The following IQGAP2 variants were observed in gnomAD, a reference collection of about 807,000 sequenced individuals.
IQGAP2 encodes IQ motif containing GTPase activating protein 2.
IQGAP2 carries 173 observed loss-of-function variants against 201.3 expected under a neutral mutation model. The observed-to-expected ratio is 0.86, with a 90% CI of 0.76 to 0.98. IQGAP2 has a LOEUF of 0.98. Ranked by LOEUF, IQGAP2 falls within the 50% of genes least tolerant of loss-of-function variation. IQGAP2 has a pLI of 0.00. For missense variants in IQGAP2, 1,687 were observed against 1,864.8 expected, an observed-to-expected ratio of 0.90 and a Z score of 1.76; for synonymous variants, 675 against 673.9, an observed-to-expected ratio of 1.00 and a Z score of -0.03.
chr5:76,487,075 T>C (rs1211477499), intron 2 of IQGAP2, among the ~76,000 whole-genome samples: 1 of 150,894 alleles, frequency 6.6e-6, no homozygotes, highest in Non-Finnish European at 1.5e-5. Context: ...GATTGCTGTG[T>C]AAATGTTTAT....
intron 13 of IQGAP2, among the ~76,000 whole-genome samples, chr5:76,627,061 A>C (rs1750310631): frequency 6.6e-6 from 1 of 152,040 alleles, no homozygotes; most frequent in African/African-American, 2.4e-5. Context: ...CTTTAAGTAG[A>C]GGAGTGGTGC....
At chr5:76,496,765 C>CTTTCTTTCTTTCT (rs1561416615) in intron 2 of IQGAP2, among the ~76,000 whole-genome samples, 6 of 72,032 alleles carry the variant, frequency 8.3e-5, no homozygotes, top group East Asian at 3.4e-4. Context: ...TTCTTTCTTT[C>CTTTCTTTCTTTCT]TTTCTTTCTT....
rs1757687820 is a variant in IQGAP2, at chr5:76,507,739, C to T, written c.146+46070C>T. On this transcript the variant is annotated intron_variant, in intron 2 of 35. Coordinates refer to ENST00000274364, the MANE Select transcript of IQGAP2 (RefSeq NM_006633.5). Reference sequence around the variant, plus strand: ...AAAAATTGGGCCAATGGGCCAGGCACGGTGGCTCACGCCTGTAATTCCAGC... The same window carrying T: ...AAAAATTGGGCCAATGGGCCAGGCATGGTGGCTCACGCCTGTAATTCCAGC... Among the ~76,000 whole-genome samples the T allele has an allele frequency of 2.0e-5, 3 of 152,186 alleles. No homozygotes were observed. In the South Asian group the frequency reaches 6.2e-4, roughly 31 times the overall value.
rs545058463 is a variant in IQGAP2, at chr5:76,544,408, G to A, written c.147-17988G>A. 4.6e-5 allele frequency among the ~76,000 whole-genome samples: 7 copies of A among 152,216 alleles called. No individual in the cohort carries two copies. In the South Asian group the frequency reaches 1.2e-3, roughly 27 times the overall value. On this transcript the variant is annotated intron_variant, in intron 2 of 35. Transcript: ENST00000274364. ...AGAGAGCAGTTCCCAGCCGACTTGG[G>A]GCCTAGGAGGATATTCTGGGTGGCA... is the stretch of plus-strand genomic sequence containing the variant.
chr5:76,466,262 G>A (rs1754771731), intron 2 of IQGAP2, among the ~76,000 whole-genome samples: 1 of 152,138 alleles, frequency 6.6e-6, no homozygotes, highest in Non-Finnish European at 1.5e-5. Context: ...GATCACTCAG[G>A]AGGCTGAGGA....
At chr5:76,509,043 GT>G (rs1757792084) in intron 2 of IQGAP2, among the ~76,000 whole-genome samples, 1 of 150,438 alleles carries the variant, frequency 6.6e-6, no homozygotes, top group Non-Finnish European at 1.5e-5. Context: ...GTGTGTGTGT[GT>G]GTGTGTGTGT....
intron 2 of IQGAP2, among the ~76,000 whole-genome samples, chr5:76,461,875 T>C (rs1167370763): frequency 6.6e-6 from 1 of 152,204 alleles, no homozygotes; most frequent in South Asian, 2.1e-4. Flanking sequence ...GCCAGTGGGC[T>C]AGGGGATGAC....
intron 12 of IQGAP2, among the ~76,000 whole-genome samples, chr5:76,610,350 C>A (rs545024734): frequency 2.0e-5 from 3 of 150,992 alleles, no homozygotes; most frequent in African/African-American, 7.3e-5. Context: ...AATCATTAGT[C>A]ACTAGAAAAA....
chr5:76,705,291 A>G (rs1747774630), intron 35 of IQGAP2, among the ~76,000 whole-genome samples: 1 of 152,220 alleles, frequency 6.6e-6, no homozygotes, highest in African/African-American at 2.4e-5. Context: ...ATATACCTTA[A>G]TCTCATATCT....
At chr5:76,428,602 G>C (rs989988222) in intron 1 of IQGAP2, among the ~76,000 whole-genome samples, 21 of 150,606 alleles carry the variant, frequency 1.4e-4, no homozygotes, top group African/African-American at 5.2e-4. Flanking sequence ...AGCTAATTTT[G>C]CATTTTTTTT....
At chr5:76,553,847 G>A (rs1165776908) in intron 2 of IQGAP2, among the ~76,000 whole-genome samples, 2 of 152,202 alleles carry the variant, frequency 1.3e-5, no homozygotes, top group Non-Finnish European at 2.9e-5. Flanking sequence ...TGGGGAAGAA[G>A]CAGTGAATGC....
At chr5:76,634,551 C>T (rs1750970973) in intron 15 of IQGAP2, among the ~76,000 whole-genome samples, 1 of 152,160 alleles carries the variant, frequency 6.6e-6, no homozygotes, top group Admixed American at 6.5e-5. Context: ...TGAGCCACTG[C>T]ACCCAGCCCC....
At chr5:76,686,552 C>T (rs1316344422) in intron 30 of IQGAP2, among the ~76,000 whole-genome samples, 1 of 152,126 alleles carries the variant, frequency 6.6e-6, no homozygotes, top group Non-Finnish European at 1.5e-5. Context: ...CTCTGTCGCC[C>T]AGGCTGGAGT....
intron 21 of IQGAP2, among the ~76,000 whole-genome samples, chr5:76,660,653 G>A (rs1743168432): frequency 6.6e-6 from 1 of 152,188 alleles, no homozygotes; most frequent in Non-Finnish European, 1.5e-5. Flanking sequence ...GTTTTTTAAA[G>A]CCACTTATCA....
chr5:76,435,650 A>G (rs955986385), intron 1 of IQGAP2, among the ~76,000 whole-genome samples: 2 of 151,964 alleles, frequency 1.3e-5, no homozygotes, highest in African/African-American at 4.8e-5. Context: ...TTTGCTTAGG[A>G]TTGCTTTGAC....
intron 17 of IQGAP2, among the ~76,000 whole-genome samples, chr5:76,648,322 C>A (rs968408793): frequency 6.6e-6 from 1 of 152,136 alleles, no homozygotes; most frequent in Admixed American, 6.6e-5. Context: ...GAGAACCTAG[C>A]CTTCTCCTCC....
rs1408361821 is a variant in IQGAP2, at chr5:76,471,499, G to A, written c.146+9830G>A. ...TCTGGGACAGTTATATATGTGCCCT[G>A]GAAAGAAAACAAAACACGGGTGTGA... On this transcript the variant is annotated intron_variant, in intron 2 of 35. Transcript: ENST00000274364. 2.0e-5 allele frequency among the ~76,000 whole-genome samples: 3 copies of A among 152,014 alleles called. No individual in the cohort carries two copies. In the Middle Eastern group the frequency reaches 9.5e-3, roughly 481 times the overall value.
chr5:76,423,600 G>T (rs553420889), intron 1 of IQGAP2, among the ~76,000 whole-genome samples: 1 of 152,178 alleles, frequency 6.6e-6, no homozygotes, highest in Non-Finnish European at 1.5e-5. Context: ...TAGCCTGGGC[G>T]ATAGAGCAAG....
intron 2 of IQGAP2, among the ~76,000 whole-genome samples, chr5:76,473,789 C>G (rs1326795142): frequency 6.6e-6 from 1 of 152,194 alleles, no homozygotes; most frequent in Non-Finnish European, 1.5e-5. Context: ...ACTATTATGA[C>G]TGGTTTCAAA....
Sources: allele counts gnomAD v4.1 joint callset (sites outside exome capture counted in the v4.1 genomes callset), GRCh38; gene constraint gnomAD v4.1.1; transcripts MANE v1.5; gene names NCBI Gene and HGNC (gene_info 2026-07-23, HGNC 2026-07-21).